Variants in CELF1 observed in about 807,000 individuals in gnomAD.
CELF1 encodes the protein 50 kDa nuclear polyadenylated RNA-binding protein.
In CELF1, 10 loss-of-function variants were observed where a neutral mutation model predicts 61.8. The ratio of observed to expected loss-of-function variants is 0.16; its 90% CI spans 0.10 to 0.27. The LOEUF is 0.27. Among genes scored for constraint, CELF1 ranks in the 10% least tolerant of loss-of-function variants. The probability of loss-of-function intolerance (pLI) is 1.00; values close to 1 mark genes in which losing one functional copy is unlikely to be tolerated. For synonymous variants in CELF1, 236 were observed against 225.1 expected, an observed-to-expected ratio of 1.05 and a Z score of -0.43; for missense variants, 380 against 639.1, an observed-to-expected ratio of 0.59 and a Z score of 4.37.
At chr11:47,521,561 T>G (rs930147033) in intron 1 of CELF1, among the ~76,000 whole-genome samples, 1 of 152,262 alleles carries the variant, frequency 6.6e-6, no homozygotes, top group Non-Finnish European at 1.5e-5. Flanking sequence ...TGTTTCTTCA[T>G]GCACAAAATG....
intron 1 of CELF1, among the ~76,000 whole-genome samples, chr11:47,512,796 G>A (rs2095301640): frequency 6.6e-6 from 1 of 152,116 alleles, no homozygotes; most frequent in South Asian, 2.1e-4. Flanking sequence ...TAGGCCCCCT[G>A]CTTTGGAAAA....
chr11:47,557,145 C>T (rs567331357), upstream of CELF1, among the ~76,000 whole-genome samples: 18 of 152,222 alleles, frequency 1.2e-4, no homozygotes, highest in African/African-American at 4.3e-4. Flanking sequence ...AGTGATCCGC[C>T]CGCCTCAGCC....
At chr11:47,504,626 C>T (rs61895102) in intron 1 of CELF1, among the ~76,000 whole-genome samples, 1 of 142,080 alleles carries the variant, frequency 7.0e-6, no homozygotes, top group Non-Finnish European at 1.6e-5. Flanking sequence ...TCAGGCTGGG[C>T]GCGGTGGCTC....
intron 1 of CELF1, among the ~76,000 whole-genome samples, chr11:47,514,159 A>G (rs1175074505): frequency 6.6e-6 from 1 of 152,018 alleles, no homozygotes; most frequent in East Asian, 1.9e-4. Context: ...TCCTGACCTC[A>G]AGTGATGGGC....
chr11:47,483,656 C>A, intron 7 of CELF1, 124 bp from the exon 8 acceptor site: 1 of 703,238 alleles, frequency 1.4e-6, no homozygotes, highest in Non-Finnish European at 2.5e-6. Context: ...TTCAGGGAAT[C>A]ATGTGCTGGT....
rs961834044 is a variant in CELF1 at position 47,499,608 on chromosome 11, G to C, written c.-81-4C>G. 2.6e-6 allele frequency: 3 copies of C among 1,134,152 alleles called. No individual in the cohort carries two copies. The highest frequency in any genetic ancestry group is 1.6e-5 in the African/African-American group (1 of 64,206). The allele number at this position is 1,134,152 out of a possible 1,614,324, so 70.3% of individuals were successfully genotyped here. On this transcript the variant is annotated splice_region_variant and splice_polypyrimidine_tract_variant and intron_variant, in intron 2 of 14. Transcript: ENST00000687097. Reference sequence around the variant, plus strand: ...AAATACACACAGCTTTAGCTTCCTGGGCCCCACAAAAAACACAAAGTGGAA... The same window carrying C: ...AAATACACACAGCTTTAGCTTCCTGCGCCCCACAAAAAACACAAAGTGGAA...
intron 9 of CELF1, among the ~76,000 whole-genome samples, chr11:47,481,367 C>T (rs2083153187): frequency 6.6e-6 from 1 of 151,840 alleles, no homozygotes. Flanking sequence ...CAACCTCAGG[C>T]GATCCACTCA....
chr11:47,541,651 C>T (rs1490067378), intron 1 of CELF1, among the ~76,000 whole-genome samples: 1 of 148,308 alleles, frequency 6.7e-6, no homozygotes, highest in Non-Finnish European at 1.5e-5. Context: ...GATCTCACCA[C>T]TGTACTCCAG....
At chr11:47,552,623 G>A (rs531424563) in intron 1 of CELF1, among the ~76,000 whole-genome samples, 7 of 152,340 alleles carry the variant, frequency 4.6e-5, no homozygotes, top group African/African-American at 1.7e-4. Context: ...CAGGTAGCCT[G>A]GGTCCAGCAC....
intron 3 of CELF1, among the ~76,000 whole-genome samples, chr11:47,493,576 C>T (rs968112685): frequency 6.7e-6 from 1 of 149,586 alleles, no homozygotes; most frequent in Non-Finnish European, 1.5e-5. Flanking sequence ...GGACCAGGGG[C>T]AATCTTCAAA....
intron 1 of CELF1, among the ~76,000 whole-genome samples, chr11:47,533,817 A>C (rs1466718141): frequency 4.7e-5 from 7 of 150,428 alleles, no homozygotes; most frequent in Admixed American, 3.3e-4. Context: ...CCCAAAAAAA[A>C]AAAAAAAAAA....
chr11:47,517,403 T>C (rs2095617481), intron 1 of CELF1, among the ~76,000 whole-genome samples: 1 of 152,084 alleles, frequency 6.6e-6, no homozygotes, highest in African/African-American at 2.4e-5. Flanking sequence ...CAGCAAAACC[T>C]GAAAACATAT....
intron 1 of CELF1, among the ~76,000 whole-genome samples, chr11:47,504,675 G>A (rs1462493575): frequency 6.6e-6 from 1 of 150,750 alleles, no homozygotes; most frequent in Non-Finnish European, 1.5e-5. Flanking sequence ...GCCGAGGTGA[G>A]CAGATCACCT....
At chr11:47,502,579 TC>T (rs924604387) in intron 1 of CELF1, among the ~76,000 whole-genome samples, 1 of 152,162 alleles carries the variant, frequency 6.6e-6, no homozygotes, top group African/African-American at 2.4e-5. Flanking sequence ...AAGCCTGTAA[TC>T]CCAGCACTTT....
chr11:47,537,244 A>T (rs936488976), intron 1 of CELF1, among the ~76,000 whole-genome samples: 3 of 147,010 alleles, frequency 2.0e-5, no homozygotes, highest in African/African-American at 7.7e-5. Context: ...TTACCATACA[A>T]ATTTTTTTTT....
intron 1 of CELF1, among the ~76,000 whole-genome samples, chr11:47,535,039 C>CT (rs1325387455): frequency 6.6e-6 from 1 of 152,014 alleles, no homozygotes; most frequent in Non-Finnish European, 1.5e-5. Flanking sequence ...AGGGTTAAGT[C>CT]TTTCCATAGA....
chr11:47,476,272 A>G (rs1032569715), intron 12 of CELF1, among the ~76,000 whole-genome samples: 21 of 152,210 alleles, frequency 1.4e-4, no homozygotes, highest in African/African-American at 5.1e-4. Flanking sequence ...GACTATAGGT[A>G]TGAGCCACTG....
chr11:47,494,242 G>A, intron 3 of CELF1: 1 of 262,494 alleles, frequency 3.8e-6, no homozygotes, highest in Non-Finnish European at 5.9e-6. Flanking sequence ...AGATCAGAAA[G>A]TGGCAAGTGT....
chr11:47,565,469 C>T (rs1001220785), exon 1 of CELF1: 2 of 634,322 alleles, frequency 3.2e-6, no homozygotes, highest in East Asian at 4.3e-5. Flanking sequence ...TCCCGCCAGT[C>T]CCCCAGAGTC....
Sources: allele counts gnomAD v4.1 joint callset (sites outside exome capture counted in the v4.1 genomes callset), GRCh38; gene constraint gnomAD v4.1.1; transcripts MANE v1.5; gene names NCBI Gene and HGNC (gene_info 2026-07-23, HGNC 2026-07-21).